The following UNC80 variants were observed in gnomAD, a reference collection of about 807,000 sequenced individuals.
UNC80 encodes the protein unc-80 subunit of NALCN channel complex.
UNC80 carries 164 observed loss-of-function variants against 384.6 expected under a neutral mutation model. The observed-to-expected ratio is 0.43, with a 90% CI of 0.38 to 0.49. The LOEUF (loss-of-function observed/expected upper bound fraction) is 0.49, where lower values mean the gene tolerates loss of function less well. Ranked by LOEUF, UNC80 falls within the 20% of genes least tolerant of loss-of-function variation. The pLI is 0.00. For synonymous variants in UNC80, 1,486 were observed against 1,527.8 expected (o/e 0.97, Z 0.64); for missense variants, 3,330 against 4,143.0 (o/e 0.80, Z 5.39).
At chr2:209,958,612 A>G (rs2092489824) in intron 49 of UNC80, among the ~76,000 whole-genome samples, 1 of 152,192 alleles carries the variant, frequency 6.6e-6, no homozygotes, top group African/African-American at 2.4e-5. Flanking sequence ...AAAATGATAT[A>G]CTATAGCTTA....
At chr2:209,852,956 T>C (rs2082636534) in intron 22 of UNC80, among the ~76,000 whole-genome samples, 1 of 152,044 alleles carries the variant, frequency 6.6e-6, no homozygotes, top group Non-Finnish European at 1.5e-5. Flanking sequence ...GAAATAAACA[T>C]AGATGTAGAT....
intron 61 of UNC80, among the ~76,000 whole-genome samples, chr2:209,988,182 C>T (rs16844037): frequency 0.018 from 2,802 of 152,210 alleles, 100 homozygotes; most frequent in African/African-American, 0.064. Context: ...TTATCGCTCC[C>T]GTGAAGTGCT....
intron 31 of UNC80, among the ~76,000 whole-genome samples, chr2:209,914,825 G>T (rs902238132): frequency 6.6e-6 from 1 of 151,960 alleles, no homozygotes; most frequent in African/African-American, 2.4e-5. Context: ...TCAGTTTATA[G>T]TTTTACCTCT....
chr2:209,976,545 A>G lies in UNC80; in HGVS notation c.8772+242A>G, dbSNP rs1205042584. 6.6e-6 allele frequency among the ~76,000 whole-genome samples: 1 copy of G among 152,154 alleles called. No homozygotes were observed. Among genetic ancestry groups the G allele is most frequent in the African/African-American group, 2.4e-5 (1 of 41,432 alleles). Reference sequence around the variant, plus strand: ...GTCTGTAAAACTTTGCCCGCTCCCTACTAATCATCCCCCACTCTACCCACC... The same window carrying G: ...GTCTGTAAAACTTTGCCCGCTCCCTGCTAATCATCCCCCACTCTACCCACC... On this transcript the variant is annotated intron_variant, in intron 57 of 64. Coordinates refer to ENST00000673920, the MANE Select transcript of UNC80 (RefSeq NM_001371986.1). This position sits in a 1 kb window ranked among gnomAD's most constrained non-coding sequence, Gnocchi z 4.3.
intron 22 of UNC80, among the ~76,000 whole-genome samples, chr2:209,863,069 A>T (rs1255060233): frequency 1.3e-5 from 2 of 152,082 alleles, no homozygotes; most frequent in African/African-American, 2.4e-5. Context: ...TTTGGAAAGG[A>T]TTTTATTTCT....
At chr2:209,786,289 G>A in intron 5 of UNC80, 100 bp downstream of exon 5, 1 of 1,409,944 alleles carries the variant, frequency 7.1e-7, no homozygotes, top group Non-Finnish European at 9.5e-7. Flanking sequence ...TCAAAAAGAA[G>A]CAAATATCTA....
chr2:209,912,757 C>T, intron 30 of UNC80, 90 bp downstream of exon 30: 1 of 866,024 alleles, frequency 1.2e-6, no homozygotes. Context: ...GGACATACAA[C>T]ATCAGTTGGT....
intron 12 of UNC80, 29 bp downstream of exon 12, chr2:209,819,290 G>C: frequency 1.3e-6 from 2 of 1,529,920 alleles, no homozygotes; most frequent in Non-Finnish European, 1.8e-6. Context: ...TCTTACCAAA[G>C]TTAGACAGAT....
chr2:209,998,410 TAC>T lies in UNC80; in HGVS notation c.*2817_*2818del, dbSNP rs2093513504. On this transcript the variant is annotated 3_prime_UTR_variant, in exon 65 of 65. Coordinates refer to ENST00000673920, the MANE Select transcript of UNC80 (RefSeq NM_001371986.1). ...TGTATTAAGACAAGGCACTGAGAAC[TAC>T]AGTGTCAAAATCAAAGGGCATAAAT... 1 of 152,258 alleles carries T rather than the reference TAC, an allele frequency of 6.6e-6. No homozygotes were observed. Among genetic ancestry groups the T allele is most frequent in the African/African-American group, 2.4e-5 (1 of 41,474 alleles). The allele number at this position is 152,258 out of a possible 1,614,324, so 9.4% of individuals were successfully genotyped here. A position where few individuals can be genotyped will look rare whatever the true frequency, so the allele number is the denominator to read the frequency against.
At chr2:209,913,298 A>C (rs2089161900) in intron 30 of UNC80, among the ~76,000 whole-genome samples, 3 of 152,216 alleles carry the variant, frequency 2.0e-5, no homozygotes, top group African/African-American at 7.2e-5. Context: ...AATTGTCAGA[A>C]ATAATGGATA....
At chr2:209,869,121 T>A (rs908924039) in intron 22 of UNC80, 2 of 152,274 alleles carry the variant, frequency 1.3e-5, no homozygotes, top group African/African-American at 4.8e-5. Flanking sequence ...GGCATTCTTC[T>A]GATTCATTTT....
In UNC80 at chr2:209,820,394, C is replaced by T. The variant is rs1194789312; in HGVS notation, c.2046C>T (p.Cys682=). 2.6e-6 allele frequency: 4 copies of T among 1,551,762 alleles called. No individual in the cohort carries two copies. In the Admixed American group the frequency reaches 5.9e-5, roughly 23 times the overall value. ...ICDVALNIVE[C]LLQLGVVPCV... is the part of the protein sequence containing the mutation. Reference sequence around the variant, plus strand: ...ACGTGGCGCTAAACATTGTGGAATGCTTGCTTCAACTTGGTGTGGTGCCCT... The same window carrying T: ...ACGTGGCGCTAAACATTGTGGAATGTTTGCTTCAACTTGGTGTGGTGCCCT... The change falls in exon 13 of 65, where the codon TGC becomes TGT. Residue 682 remains cysteine (C), a synonymous_variant. Coordinates refer to ENST00000673920, the MANE Select transcript of UNC80 (RefSeq NM_001371986.1).
chr2:209,788,791 AATTT>A (rs1220572973), intron 5 of UNC80, among the ~76,000 whole-genome samples: 1 of 151,946 alleles, frequency 6.6e-6, no homozygotes, highest in African/African-American at 2.4e-5. Context: ...AGCTAAAGTT[AATTT>A]ATTATTAAAG....
At chr2:209,848,979 T>A (rs2082339958) in intron 21 of UNC80, among the ~76,000 whole-genome samples, 1 of 152,102 alleles carries the variant, frequency 6.6e-6, no homozygotes, top group Non-Finnish European at 1.5e-5. Context: ...AAAAGGTTTT[T>A]CCTTTCACCA....
In UNC80 at chr2:209,834,228, GTTGTA is replaced by G. The variant is rs2081190997; in HGVS notation, c.2942+61_2942+65del. 2.7e-6 allele frequency: 4 copies of G among 1,502,762 alleles called. No homozygotes were observed. In the African/African-American group the frequency reaches 5.6e-5, roughly 21 times the overall value. 93.1% of individuals were successfully genotyped at this position (1,502,762 alleles called of 1,614,324 possible). On this transcript the variant is annotated intron_variant, in intron 17 of 64. Transcript: ENST00000673920. ...GCCTTAAGTCAGTAGAATAAAATCT[GTTGTA>G]CTGTTTGTGTGGTTCCTGTGCTGAA...
chr2:209,829,140 C>G, intron 14 of UNC80, 92 bp from the exon 15 acceptor site: 1 of 1,468,000 alleles, frequency 6.8e-7, no homozygotes, highest in Non-Finnish European at 9.1e-7. Flanking sequence ...GGTTGGAAAC[C>G]CTTGCCTTCT....
intron 61 of UNC80, among the ~76,000 whole-genome samples, chr2:209,988,557 A>C (rs575894075): frequency 6.6e-6 from 1 of 152,172 alleles, no homozygotes; most frequent in African/African-American, 2.4e-5. Context: ...ACTTTATAAA[A>C]TATATCCTTT....
At position 209,939,521 on chromosome 2, in the gene UNC80, C is replaced by G. The variant is rs915022648; in HGVS notation, c.6515C>G (p.Ser2172Cys). The G allele has an allele frequency of 4.5e-6, 7 of 1,551,410 alleles. No homozygotes were observed. The highest frequency in any genetic ancestry group is 4.1e-5 in the African/African-American group (3 of 73,014). Residue 2172 changes from serine (S) to cysteine (C), a missense_variant, in exon 43 of 65, where the codon TCC (serine) becomes TGC (cysteine). Ser to Cys is a moderately radical substitution (Grantham distance 112, BLOSUM62 -1). Transcript: ENST00000673920. ...GTAGGGCGGGTGTTGTTTCTCATCT[C>G]CCTAACCCAGAAGATCCCCACAGCC... ...EEVGRVLFLI[S>C]LTQKIPTAHK...
intron 7 of UNC80, among the ~76,000 whole-genome samples, chr2:209,800,124 A>G (rs1574493954): frequency 6.6e-6 from 1 of 152,294 alleles, no homozygotes; most frequent in Middle Eastern, 3.4e-3. Flanking sequence ...TGTTTGGAAT[A>G]GTTTCAGAAG....
Sources: allele counts gnomAD v4.1 joint callset (sites outside exome capture counted in the v4.1 genomes callset), GRCh38; gene constraint gnomAD v4.1.1; non-coding constraint Gnocchi (gnomAD v3.1); transcripts MANE v1.5; gene names NCBI Gene and HGNC (gene_info 2026-07-23, HGNC 2026-07-21).